DENND1A: variants seen among roughly 807,000 people sequenced by gnomAD.
DENND1A encodes DENN domain-containing protein 1A.
In DENND1A, 51 loss-of-function variants were observed where a neutral mutation model predicts 113.7. That is an observed-to-expected ratio of 0.45 (90% CI 0.36 to 0.57). The LOEUF (loss-of-function observed/expected upper bound fraction) is 0.57, where lower values mean the gene tolerates loss of function less well. DENND1A is among the 20% of genes least tolerant of loss of function. DENND1A has a pLI of 0.00. For missense variants in DENND1A, 1,258 were observed against 1,395.9 expected (o/e 0.90, Z 1.57); for synonymous variants, 565 against 570.8 (o/e 0.99, Z 0.14).
At chr9:123,893,279 T>C (rs1199555833) in intron 1 of DENND1A, among the ~76,000 whole-genome samples, 4 of 152,184 alleles carry the variant, frequency 2.6e-5, no homozygotes, top group African/African-American at 4.8e-5. Context: ...CAGATTTGGC[T>C]CCAGAGTCCA....
At chr9:123,488,228 T>C (rs1266820431) in intron 13 of DENND1A, among the ~76,000 whole-genome samples, 1 of 152,214 alleles carries the variant, frequency 6.6e-6, no homozygotes, top group Admixed American at 6.5e-5. Flanking sequence ...CTTGTTCAAT[T>C]GTGAGACAGT....
rs1312067947 is a variant in DENND1A, at chr9:123,764,600, C to T, written c.182+4914G>A. ...GTAAGTGACACACTTCGAGACAGAA[C>T]GCAATGCCTACCTGCTGGAGAAACT... On this transcript the variant is annotated intron_variant, in intron 4 of 23. Transcript: ENST00000394215. This position sits in a 1 kb window ranked among gnomAD's most constrained non-coding sequence, Gnocchi z 4.1. Among the ~76,000 whole-genome samples, 5 of 152,272 alleles carry T rather than the reference C, an allele frequency of 3.3e-5. 1 individual carries two copies. The South Asian group carries it at 8.3e-4, about 25-fold the overall frequency.
At position 123,387,774 on chromosome 9, in the gene DENND1A, G is replaced by C; in HGVS notation, c.1716C>G (p.Ser572Arg). Residue 572 changes from serine to arginine, a missense_variant, in exon 22 of 24, where the codon AGC becomes AGG. This residue lies in a region of DENND1A where 1,159 missense variants were observed against 1,231.7 expected (regional missense o/e 0.94). Coordinates refer to ENST00000394215, the MANE Select transcript of DENND1A (RefSeq NM_001352964.2). Reference protein sequence around the residue: ...DDECQREEGPSSGFTESFFFS... With the variant: ...DDECQREEGPRSGFTESFFFS... ...AGAAAAAGCTCTCGGTGAAGCCAGA[G>C]CTCGGGCCCTCTTCCCGCTGGCATT... 1 of 1,289,724 alleles carries C rather than the reference G, an allele frequency of 7.8e-7. No individual in the cohort carries two copies. The highest frequency in any genetic ancestry group is 1.0e-6 in the Non-Finnish European group (1 of 988,846). 79.9% of individuals were successfully genotyped at this position (1,289,724 alleles called of 1,614,324 possible).
chr9:123,668,605 T>C (rs1040837297), intron 7 of DENND1A, among the ~76,000 whole-genome samples: 3 of 152,234 alleles, frequency 2.0e-5, no homozygotes, highest in South Asian at 2.1e-4. Context: ...TCTGTGTAAC[T>C]AGAGCTGTGC....
chr9:123,395,656 G>A (rs957469061), intron 21 of DENND1A, among the ~76,000 whole-genome samples: 1 of 152,134 alleles, frequency 6.6e-6, no homozygotes, highest in Non-Finnish European at 1.5e-5. Flanking sequence ...CCCTGGGGCC[G>A]AGGGCCCAGC....
At chr9:123,917,708 C>G (rs1464230337) in intron 1 of DENND1A, among the ~76,000 whole-genome samples, 1 of 152,060 alleles carries the variant, frequency 6.6e-6, no homozygotes, top group Non-Finnish European at 1.5e-5. Context: ...CTATTTCCCA[C>G]CAAAAGGAAC....
At chr9:123,423,685 T>C (rs758569767) in intron 19 of DENND1A, among the ~76,000 whole-genome samples, 35 of 152,340 alleles carry the variant, frequency 2.3e-4, no homozygotes, top group Non-Finnish European at 4.3e-4. Flanking sequence ...ATGGGATATA[T>C]TTATTTTGTA....
At chr9:123,464,906 T>C (rs1274173241) in intron 13 of DENND1A, among the ~76,000 whole-genome samples, 1 of 142,826 alleles carries the variant, frequency 7.0e-6, no homozygotes, top group Non-Finnish European at 1.5e-5. Context: ...CCCAGCACTG[T>C]GGGAGGCCGA....
At position 123,871,435 on chromosome 9, in the gene DENND1A, A is replaced by G. The variant is rs902093452; in HGVS notation, c.88+7516T>C. Among the ~76,000 whole-genome samples the G allele has an allele frequency of 3.9e-5, 6 of 152,166 alleles. No homozygotes were observed. The South Asian group carries it at 6.2e-4, about 16-fold the overall frequency. On this transcript the variant is annotated intron_variant, in intron 2 of 23. Coordinates refer to ENST00000394215, the MANE Select transcript of DENND1A (RefSeq NM_001352964.2). Reference sequence around the variant, plus strand: ...TTAAAAATGTCTAATAATTTTGAGTATCCATTGTGATCACAGATATTCAGG... The same window carrying G: ...TTAAAAATGTCTAATAATTTTGAGTGTCCATTGTGATCACAGATATTCAGG...
At chr9:123,590,434 C>G (rs532340144) in intron 11 of DENND1A, among the ~76,000 whole-genome samples, 1 of 152,310 alleles carries the variant, frequency 6.6e-6, no homozygotes, top group South Asian at 2.1e-4. Flanking sequence ...TCTCTACCAT[C>G]CACCAGCTGT....
intron 2 of DENND1A, among the ~76,000 whole-genome samples, chr9:123,873,797 C>T (rs2133462228): frequency 6.6e-6 from 1 of 151,700 alleles, no homozygotes; most frequent in Middle Eastern, 3.4e-3. Context: ...GGCTGGAGTG[C>T]AGTGGCACAA....
At chr9:123,737,359 C>T (rs1564168823) in intron 5 of DENND1A, among the ~76,000 whole-genome samples, 1 of 152,062 alleles carries the variant, frequency 6.6e-6, no homozygotes, top group African/African-American at 2.4e-5. Flanking sequence ...CCATGCCTGG[C>T]TAATTTTTTG....
intron 5 of DENND1A, among the ~76,000 whole-genome samples, chr9:123,682,587 C>T (rs573117541): frequency 6.6e-6 from 1 of 152,152 alleles, no homozygotes; most frequent in East Asian, 1.9e-4. Flanking sequence ...ACAAAAAAAC[C>T]TCCTCCCCAA....
chr9:123,513,781 A>G (rs2053645782), intron 13 of DENND1A, among the ~76,000 whole-genome samples: 2 of 152,232 alleles, frequency 1.3e-5, no homozygotes, highest in African/African-American at 4.8e-5. Context: ...ATTTACTGCA[A>G]CTAACAGAAA....
intron 11 of DENND1A, among the ~76,000 whole-genome samples, chr9:123,589,535 G>A (rs1221965920): frequency 2.7e-5 from 4 of 146,000 alleles, no homozygotes; most frequent in African/African-American, 5.1e-5. Flanking sequence ...CAGCTCTCCG[G>A]TAGCTTGTCC....
intron 2 of DENND1A, among the ~76,000 whole-genome samples, chr9:123,813,918 G>A (rs890155026): frequency 3.3e-5 from 5 of 152,120 alleles, no homozygotes; most frequent in Admixed American, 2.6e-4. Flanking sequence ...TATCTCAATA[G>A]TTACAGCATT....
At chr9:123,626,853 G>A (rs1243579401) in intron 10 of DENND1A, among the ~76,000 whole-genome samples, 3 of 152,144 alleles carry the variant, frequency 2.0e-5, no homozygotes, top group Non-Finnish European at 4.4e-5. Flanking sequence ...AGTTCTAGAT[G>A]GGTCCCAGAG....
At chr9:123,397,181 G>T (rs2043179202) in intron 21 of DENND1A, among the ~76,000 whole-genome samples, 3 of 151,946 alleles carry the variant, frequency 2.0e-5, no homozygotes, top group Admixed American at 2.0e-4. Context: ...TTTTTTTAGA[G>T]TCTCACTCTG....
chr9:123,770,773 G>T (rs1829606696), intron 3 of DENND1A, among the ~76,000 whole-genome samples: 2 of 152,258 alleles, frequency 1.3e-5, no homozygotes, highest in South Asian at 4.1e-4. Context: ...ATAAATTAAA[G>T]ATCAGCTTAC....
Sources: allele counts gnomAD v4.1 joint callset (sites outside exome capture counted in the v4.1 genomes callset), GRCh38; gene constraint gnomAD v4.1.1; regional missense constraint gnomAD v4.1.1; non-coding constraint Gnocchi (gnomAD v3.1); transcripts MANE v1.5; gene names NCBI Gene and HGNC (gene_info 2026-07-23, HGNC 2026-07-21).